Variants in SYT13 observed in about 807,000 individuals in gnomAD.
The protein encoded by SYT13 is synaptotagmin-13.
A neutral mutation model predicts 38.6 loss-of-function variants in SYT13; 21 were observed. The observed-to-expected ratio is 0.54, with a 90% CI of 0.39 to 0.78. SYT13 has a LOEUF of 0.78. Ranked by LOEUF, SYT13 falls within the 30% of genes least tolerant of loss-of-function variation. SYT13 has a pLI of 0.00. For synonymous variants in SYT13, 241 were observed against 237.6 expected, an observed-to-expected ratio of 1.01 and a Z score of -0.13; for missense variants, 495 against 548.7, an observed-to-expected ratio of 0.90 and a Z score of 0.98.
intron 3 of SYT13, among the ~76,000 whole-genome samples, chr11:45,253,728 C>A (rs965523134): frequency 1.1e-4 from 16 of 152,108 alleles, no homozygotes; most frequent in African/African-American, 3.9e-4. Flanking sequence ...GCACAAAGCC[C>A]TGTCCAATTT....
intron 4 of SYT13, among the ~76,000 whole-genome samples, chr11:45,246,854 C>T (rs1004623722): frequency 1.3e-5 from 2 of 152,202 alleles, no homozygotes; most frequent in African/African-American, 4.8e-5. Context: ...TCACCTTCTG[C>T]CACCCCCAAG....
chr11:45,250,506 G>A (rs1469917971), intron 4 of SYT13, among the ~76,000 whole-genome samples: 1 of 152,186 alleles, frequency 6.6e-6, no homozygotes, highest in African/African-American at 2.4e-5. Context: ...TCTGCCCTTT[G>A]GGGCTGTACC....
chr11:45,284,138 C>A (rs186249014), intron 1 of SYT13, among the ~76,000 whole-genome samples: 2 of 152,254 alleles, frequency 1.3e-5, no homozygotes, highest in East Asian at 3.9e-4. Flanking sequence ...ATCGTAAATC[C>A]AGGGAAGCCA....
intron 1 of SYT13, among the ~76,000 whole-genome samples, chr11:45,278,960 C>T: frequency 6.6e-6 from 1 of 152,212 alleles, no homozygotes; most frequent in East Asian, 1.9e-4. Context: ...CTGGGCTGCA[C>T]CCAATGCCTG....
At chr11:45,266,090 C>T (rs1262290177) in intron 1 of SYT13, among the ~76,000 whole-genome samples, 1 of 152,206 alleles carries the variant, frequency 6.6e-6, no homozygotes. Flanking sequence ...CTTGTACACA[C>T]ATGCACCTCT....
intron 1 of SYT13, among the ~76,000 whole-genome samples, chr11:45,260,451 G>T (rs1005581370): frequency 4.6e-5 from 7 of 152,314 alleles, no homozygotes; most frequent in African/African-American, 1.7e-4. Context: ...GAGGGAGCCT[G>T]GGAGAGGGTT....
chr11:45,247,968 G>A (rs1046808736), intron 4 of SYT13, among the ~76,000 whole-genome samples: 2 of 152,220 alleles, frequency 1.3e-5, no homozygotes, highest in Non-Finnish European at 2.9e-5. Context: ...AATGACAACA[G>A]TCAAAACAAC....
At chr11:45,283,644 C>T (rs2289448) in intron 1 of SYT13, among the ~76,000 whole-genome samples, 91,680 of 152,128 alleles carry the variant, frequency 0.6, 28,749 homozygotes, top group East Asian at 0.74. Context: ...CCCCAAGTTG[C>T]CCACATCTTT....
chr11:45,285,415 G>C (rs1008629393), intron 1 of SYT13, among the ~76,000 whole-genome samples: 1 of 152,154 alleles, frequency 6.6e-6, no homozygotes, highest in Non-Finnish European at 1.5e-5. Context: ...GAGCTGCTAG[G>C]GGGTGGGGAA....
intron 4 of SYT13, among the ~76,000 whole-genome samples, chr11:45,251,679 T>C (rs1347621119): frequency 6.6e-6 from 1 of 152,152 alleles, no homozygotes; most frequent in Non-Finnish European, 1.5e-5. Flanking sequence ...ATCCCCTTGC[T>C]GTCCTGGCGC....
At position 45,245,152 on chromosome 11, in the gene SYT13, C is replaced by T. The variant is rs181113742; in HGVS notation, c.977-796G>A. ...TGAAGGCAGACTGCCTGTTCCTGCACGCTCCCCCAAACCCAGGGCACTGCA... is the reference window on the plus strand; with the variant it reads ...TGAAGGCAGACTGCCTGTTCCTGCATGCTCCCCCAAACCCAGGGCACTGCA... On this transcript the variant is annotated intron_variant, in intron 5 of 5. Transcript: ENST00000020926. Among the ~76,000 whole-genome samples, 365 of 152,312 alleles carry T rather than the reference C, an allele frequency of 2.4e-3. 2 individuals carry two copies. Among genetic ancestry groups the T allele is most frequent in the African/African-American group, 8.2e-3 (342 of 41,564 alleles).
rs1854696050 is a variant in SYT13 at position 45,252,793 on chromosome 11, G to T, written c.545-71C>A. 6 of 1,476,752 alleles carry T rather than the reference G, an allele frequency of 4.1e-6. No individual in the cohort carries two copies. Among genetic ancestry groups the T allele is most frequent in the Non-Finnish European group, 5.4e-6 (6 of 1,103,978 alleles). 91.5% of individuals were successfully genotyped at this position (1,476,752 alleles called of 1,614,324 possible). On this transcript the variant is annotated intron_variant, in intron 3 of 5. Transcript: ENST00000020926. This position sits in a 1 kb window ranked among gnomAD's most constrained non-coding sequence, Gnocchi z 4.3. ...AGTGGAGGGGGCAGAAGCACGCCTT[G>T]CTTAGGGCTGTGGAATCCAGCTTAA...
chr11:45,267,194 C>A (rs373324235), intron 1 of SYT13, among the ~76,000 whole-genome samples: 1 of 152,156 alleles, frequency 6.6e-6, no homozygotes, highest in Non-Finnish European at 1.5e-5. Context: ...GCATTCAGAC[C>A]CAGGCTGACT....
intron 2 of SYT13, among the ~76,000 whole-genome samples, chr11:45,255,034 G>T (rs950209108): frequency 1.3e-5 from 2 of 151,990 alleles, no homozygotes; most frequent in Non-Finnish European, 2.9e-5. Context: ...GAGGATCACT[G>T]GAGCCTGGGA....
In SYT13 at chr11:45,286,141, A is replaced by G; in HGVS notation, c.67T>C (p.Leu23=). Residue 23 remains leucine (L), a synonymous_variant, in exon 1 of 6, where the codon TTG becomes CTG. Coordinates refer to ENST00000020926, the MANE Select transcript of SYT13 (RefSeq NM_020826.3). ...CGACACAGGCAGGTGACCCCGCACA[A>G]CGCGAGGATGCTGGTGGCTGTGCCC... ...TLGTATSILA[L]CGVTCLCRHM... The G allele has an allele frequency of 6.3e-7, 1 of 1,595,576 alleles. No individual in the cohort carries two copies. The highest frequency in any genetic ancestry group is 1.1e-5 in the South Asian group (1 of 87,796).
At chr11:45,246,703 C>T (rs573847240) in intron 4 of SYT13, among the ~76,000 whole-genome samples, 191 bp from the exon 5 acceptor site, 36 of 152,276 alleles carry the variant, frequency 2.4e-4, no homozygotes, top group African/African-American at 7.7e-4. Context: ...ATGCGGCATG[C>T]GCTTCAATAG....
chr11:45,254,154 T>G, intron 3 of SYT13, 116 bp downstream of exon 3: 1 of 1,201,464 alleles, frequency 8.3e-7, no homozygotes, highest in East Asian at 2.7e-5. Flanking sequence ...AGGGTCTGGT[T>G]GTTAGAGTCC....
chr11:45,283,502 G>T (rs574649231), intron 1 of SYT13, among the ~76,000 whole-genome samples: 120 of 152,244 alleles, frequency 7.9e-4, no homozygotes, highest in African/African-American at 2.7e-3. Flanking sequence ...CTCTTTACTT[G>T]CTTTGAAATG....
At chr11:45,276,188 C>T (rs543562821) in intron 1 of SYT13, among the ~76,000 whole-genome samples, 28 of 152,298 alleles carry the variant, frequency 1.8e-4, no homozygotes, top group Admixed American at 5.2e-4. Context: ...CAACCCAATG[C>T]TCAGCAATGA....
Sources: gnomAD v4.1 joint callset for allele counts (sites outside exome capture counted in the v4.1 genomes callset) on GRCh38, gnomAD v4.1.1 for gene constraint, Gnocchi (gnomAD v3.1) non-coding constraint, MANE v1.5 for transcripts, NCBI Gene and HGNC (gene_info 2026-07-23, HGNC 2026-07-21) for gene names.